Variants in PLCB1 observed in about 807,000 individuals in gnomAD.
The protein encoded by PLCB1 is phospholipase C beta 1, also known as 1-phosphatidylinositol 4,5-bisphosphate phosphodiesterase beta-1.
In PLCB1, 46 loss-of-function variants were observed where a neutral mutation model predicts 161.8. That is an observed-to-expected ratio of 0.28 (90% CI 0.22 to 0.36). The LOEUF (loss-of-function observed/expected upper bound fraction) is 0.36. PLCB1 is among the 10% of genes least tolerant of loss of function. PLCB1 has a pLI of 1.00. For missense variants in PLCB1, 1,016 were observed against 1,472.5 expected (o/e 0.69, Z 5.07); for synonymous variants, 517 against 503.7 (o/e 1.03, Z -0.35).
At chr20:8,352,124 T>A (rs1280491972) in intron 2 of PLCB1, among the ~76,000 whole-genome samples, 1 of 152,140 alleles carries the variant, frequency 6.6e-6, no homozygotes, top group East Asian at 1.9e-4. Flanking sequence ...CAAACTGTGA[T>A]ATATACAATG....
intron 3 of PLCB1, among the ~76,000 whole-genome samples, chr20:8,520,788 TC>T (rs1402699203): frequency 6.6e-6 from 1 of 152,188 alleles, no homozygotes; most frequent in Non-Finnish European, 1.5e-5. Flanking sequence ...CTTCTTTTAC[TC>T]AAAATCTGTG....
intron 3 of PLCB1, among the ~76,000 whole-genome samples, chr20:8,434,712 G>A (rs563310872): frequency 6.6e-6 from 1 of 152,300 alleles, no homozygotes; most frequent in East Asian, 1.9e-4. Context: ...TGGTCACACA[G>A]CTAATAAGAG....
At chr20:8,317,833 C>A (rs6086403) in intron 2 of PLCB1, among the ~76,000 whole-genome samples, 32,207 of 152,016 alleles carry the variant, frequency 0.21, 3,536 homozygotes, top group South Asian at 0.39. Flanking sequence ...ACCTTGTAAC[C>A]ATAAAGCTTC....
intron 3 of PLCB1, among the ~76,000 whole-genome samples, chr20:8,544,807 A>G (rs11087808): frequency 0.063 from 9,647 of 152,268 alleles, 541 homozygotes; most frequent in East Asian, 0.28. Flanking sequence ...TGTCTGATAT[A>G]TTCCTTAGGT....
intron 3 of PLCB1, among the ~76,000 whole-genome samples, chr20:8,605,610 C>CT (rs74685527): frequency 0.019 from 1,706 of 88,264 alleles, 16 homozygotes; most frequent in African/African-American, 0.022. Context: ...TTGGTGTTTT[C>CT]TTTTTTTTTT....
chr20:8,623,356 C>T (rs949403011), intron 3 of PLCB1, among the ~76,000 whole-genome samples: 1 of 152,068 alleles, frequency 6.6e-6, no homozygotes, highest in Non-Finnish European at 1.5e-5. Context: ...TTCACTTTAG[C>T]TCAATCAATT....
chr20:8,856,200 A>C (rs990105327), intron 31 of PLCB1, among the ~76,000 whole-genome samples: 2 of 152,190 alleles, frequency 1.3e-5, no homozygotes, highest in Non-Finnish European at 2.9e-5. Flanking sequence ...ATGCATATGT[A>C]TTCCTATAAC....
intron 3 of PLCB1, among the ~76,000 whole-genome samples, chr20:8,561,363 T>C (rs749768337): frequency 1.3e-5 from 2 of 151,994 alleles, no homozygotes; most frequent in Non-Finnish European, 2.9e-5. Context: ...AGGGGGATTA[T>C]AGATAACCCT....
chr20:8,362,977 C>T (rs930873263), intron 2 of PLCB1, among the ~76,000 whole-genome samples: 1 of 152,146 alleles, frequency 6.6e-6, no homozygotes, highest in East Asian at 1.9e-4. Context: ...TTAGTTTCCT[C>T]ATCTGTGTTC....
intron 3 of PLCB1, among the ~76,000 whole-genome samples, chr20:8,441,355 G>A (rs1400059924): frequency 6.6e-6 from 1 of 152,116 alleles, no homozygotes; most frequent in Non-Finnish European, 1.5e-5. Flanking sequence ...AAGATTTTCT[G>A]AATTTGGTAT....
At position 8,655,882 on chromosome 20, in the gene PLCB1, G is replaced by C. The variant is rs367930538; in HGVS notation, c.595-1302G>C. On this transcript the variant is annotated intron_variant, in intron 7 of 31. Coordinates refer to ENST00000338037, the MANE Select transcript of PLCB1 (RefSeq NM_015192.4). ...TATTAAAACCATTTACAGAGCTCCT[G>C]GTGTCCACTTAGAGAGAGGGTGGTA... Among the ~76,000 whole-genome samples the C allele has an allele frequency of 1.2e-4, 19 of 152,062 alleles. 1 individual carries two copies. The East Asian group carries it at 1.4e-3, about 11-fold the overall frequency.
At chr20:8,392,525 A>G (rs942298842) in intron 3 of PLCB1, among the ~76,000 whole-genome samples, 3 of 152,116 alleles carry the variant, frequency 2.0e-5, no homozygotes, top group African/African-American at 7.2e-5. Flanking sequence ...TCTTTTAGGA[A>G]TCTCACCTTC....
At chr20:8,742,295 AG>A (rs1882031729) in intron 23 of PLCB1, among the ~76,000 whole-genome samples, 1 of 152,174 alleles carries the variant, frequency 6.6e-6, no homozygotes, top group Non-Finnish European at 1.5e-5. Flanking sequence ...TATTTTATTC[AG>A]AGGAAAAACT....
chr20:8,244,746 A>G (rs937309884), intron 2 of PLCB1, among the ~76,000 whole-genome samples: 2 of 151,886 alleles, frequency 1.3e-5, no homozygotes, highest in African/African-American at 2.4e-5. Context: ...TATATGTTTT[A>G]TACCTCAAAA....
intron 2 of PLCB1, among the ~76,000 whole-genome samples, chr20:8,153,949 A>G (rs1209688600): frequency 6.6e-6 from 1 of 152,172 alleles, no homozygotes; most frequent in Non-Finnish European, 1.5e-5. Context: ...TTTTATCTGT[A>G]AAATAGTAAA....
intron 31 of PLCB1, among the ~76,000 whole-genome samples, chr20:8,827,481 G>A (rs1012224936): frequency 2.0e-5 from 3 of 152,202 alleles, no homozygotes; most frequent in Non-Finnish European, 4.4e-5. Flanking sequence ...TTATGGAGCT[G>A]TACTGTCCAA....
chr20:8,463,122 G>A (rs1981654824), intron 3 of PLCB1, among the ~76,000 whole-genome samples: 1 of 149,098 alleles, frequency 6.7e-6, no homozygotes. Context: ...GATGCTCCAG[G>A]ATCAGTCTGA....
Position 8,548,884 on chromosome 20 carries a change from C to T in PLCB1, c.247-79410C>T, listed in dbSNP as rs138929450. On this transcript the variant is annotated intron_variant, in intron 3 of 31. Coordinates refer to ENST00000338037, the MANE Select transcript of PLCB1 (RefSeq NM_015192.4). ...AATGTTGATCAAGAAGTAACCACTG[C>T]GAAATATTGGATGCCAAGAAAATAA... Among the ~76,000 whole-genome samples, 78 of 152,094 alleles carry T rather than the reference C, an allele frequency of 5.1e-4. 1 individual carries two copies. In the East Asian group the frequency reaches 9.6e-3, roughly 19 times the overall value.
intron 3 of PLCB1, among the ~76,000 whole-genome samples, chr20:8,563,003 A>G (rs1463448316): frequency 6.6e-6 from 1 of 152,036 alleles, no homozygotes; most frequent in African/African-American, 2.4e-5. Context: ...CTTGAATAAA[A>G]GTGAATCCTT....
Sources: gnomAD v4.1 joint callset for allele counts (sites outside exome capture counted in the v4.1 genomes callset) on GRCh38, gnomAD v4.1.1 for gene constraint, MANE v1.5 for transcripts, NCBI Gene and HGNC (gene_info 2026-07-23, HGNC 2026-07-21) for gene names.